Variants in PKNOX2 observed in about 807,000 individuals in gnomAD.
PKNOX2 encodes PBX/knotted 1 homeobox 2.
In PKNOX2, 14 loss-of-function variants were observed where a neutral mutation model predicts 53.1. That is an observed-to-expected ratio of 0.26 (90% CI 0.17 to 0.41). The LOEUF (loss-of-function observed/expected upper bound fraction) is 0.41, where lower values mean the gene tolerates loss of function less well. Among genes scored for constraint, PKNOX2 ranks in the 10% least tolerant of loss-of-function variants. The probability of loss-of-function intolerance (pLI) is 1.00; values close to 1 mark genes in which losing one functional copy is unlikely to be tolerated. For missense variants in PKNOX2, 496 were observed against 602.8 expected (o/e 0.82, Z 1.85); for synonymous variants, 257 against 242.8 (o/e 1.06, Z -0.54).
intron 1 of PKNOX2, among the ~76,000 whole-genome samples, chr11:125,226,798 C>T (rs1389916216): frequency 6.7e-6 from 1 of 148,710 alleles, no homozygotes; most frequent in African/African-American, 2.5e-5. Flanking sequence ...AATCCTAAAT[C>T]GTTGCTCATT....
intron 3 of PKNOX2, among the ~76,000 whole-genome samples, chr11:125,339,915 A>T (rs929858214): frequency 4.6e-5 from 7 of 152,332 alleles, no homozygotes; most frequent in Admixed American, 1.3e-4. Flanking sequence ...TTGAACACAC[A>T]GTCCAATGAG....
intron 2 of PKNOX2, among the ~76,000 whole-genome samples, chr11:125,273,244 A>G (rs1459945506): frequency 6.6e-6 from 1 of 152,232 alleles, no homozygotes; most frequent in African/African-American, 2.4e-5. Context: ...CCAGAGGAGC[A>G]GCTGAAAATA....
intron 2 of PKNOX2, among the ~76,000 whole-genome samples, chr11:125,304,934 C>T (rs1198649519): frequency 6.6e-6 from 1 of 152,184 alleles, no homozygotes; most frequent in African/African-American, 2.4e-5. Context: ...CAGGAGTTAG[C>T]CTCGTGAAGT....
At chr11:125,309,081 G>T (rs758006083) in intron 2 of PKNOX2, among the ~76,000 whole-genome samples, 6 of 151,138 alleles carry the variant, frequency 4.0e-5, no homozygotes, top group Admixed American at 3.9e-4. Context: ...CTGGACACCA[G>T]TCTGCAGTCA....
At chr11:125,354,157 TA>T (rs1410260107) in intron 4 of PKNOX2, among the ~76,000 whole-genome samples, 1 of 152,168 alleles carries the variant, frequency 6.6e-6, no homozygotes, top group Non-Finnish European at 1.5e-5. Flanking sequence ...CTTTTCGAGA[TA>T]TGGACCCCAG....
intron 3 of PKNOX2, among the ~76,000 whole-genome samples, chr11:125,336,441 CA>C (rs1950434462): frequency 6.6e-6 from 1 of 151,204 alleles, no homozygotes; most frequent in Non-Finnish European, 1.5e-5. Context: ...AAGTTTTTAT[CA>C]AATTACATTT....
At chr11:125,178,865 G>T (rs1353763795) in intron 1 of PKNOX2, among the ~76,000 whole-genome samples, 1 of 152,010 alleles carries the variant, frequency 6.6e-6, no homozygotes, top group Non-Finnish European at 1.5e-5. Context: ...CCAGGAAAAC[G>T]TACCTCCTGA....
chr11:125,309,182 TTCTTCCTTCCTTCCTCTC>T (rs1370359090), intron 2 of PKNOX2, among the ~76,000 whole-genome samples: 4 of 149,944 alleles, frequency 2.7e-5, no homozygotes, highest in Admixed American at 1.3e-4. Context: ...CTCTCTCTCT[TTCTTCCTTCCTTCCTCTC>T]TCTTCCTTCC....
chr11:125,279,506 T>C (rs1385455282), intron 2 of PKNOX2, among the ~76,000 whole-genome samples: 1 of 152,222 alleles, frequency 6.6e-6, no homozygotes, highest in Non-Finnish European at 1.5e-5. Flanking sequence ...GGCTGTGAAC[T>C]CCCAGTCTGA....
At chr11:125,349,624 T>G (rs897712504) in intron 3 of PKNOX2, among the ~76,000 whole-genome samples, 17 of 152,206 alleles carry the variant, frequency 1.1e-4, no homozygotes, top group African/African-American at 4.1e-4. Flanking sequence ...TTTAGGACCA[T>G]GACCTCCCTC....
chr11:125,265,705 T>A (rs961039726), intron 2 of PKNOX2, among the ~76,000 whole-genome samples: 3 of 152,122 alleles, frequency 2.0e-5, no homozygotes, highest in East Asian at 1.9e-4. Context: ...CCCACCCCAA[T>A]GGTCCCCAGA....
At chr11:125,371,305 G>A (rs531118317) in intron 5 of PKNOX2, among the ~76,000 whole-genome samples, 4 of 152,186 alleles carry the variant, frequency 2.6e-5, no homozygotes, top group East Asian at 1.9e-4. Flanking sequence ...AGGGGAGGCC[G>A]GTGGAGTGAG....
chr11:125,424,463 TC>T lies in PKNOX2; in HGVS notation c.937-4547del, dbSNP rs555737508. Among the ~76,000 whole-genome samples the T allele has an allele frequency of 2.5e-3, 379 of 152,266 alleles. 4 individuals are homozygous for T. The highest frequency in any genetic ancestry group is 7.1e-3 in the South Asian group (34 of 4,820). On this transcript the variant is annotated intron_variant, in intron 10 of 12. Transcript: ENST00000298282. ...GGGGCCCCCACCATCCTGGCTGCCT[TC>T]CTCTGGGTCTCTGGCCCTCCTAGAG...
chr11:125,294,926 C>T (rs117958778), intron 2 of PKNOX2, among the ~76,000 whole-genome samples: 107 of 152,254 alleles, frequency 7.0e-4, no homozygotes, highest in Middle Eastern at 3.4e-3. Flanking sequence ...GGAGTAAACA[C>T]CAGGCGGAGG....
At chr11:125,206,380 G>C (rs1939112267) in intron 1 of PKNOX2, among the ~76,000 whole-genome samples, 1 of 152,078 alleles carries the variant, frequency 6.6e-6, no homozygotes, top group Non-Finnish European at 1.5e-5. Flanking sequence ...AGATTACTCT[G>C]CACAAATGCG....
At chr11:125,179,035 A>T (rs1021895791) in intron 1 of PKNOX2, among the ~76,000 whole-genome samples, 1 of 152,110 alleles carries the variant, frequency 6.6e-6, no homozygotes, top group African/African-American at 2.4e-5. Context: ...CGTGTGTTTC[A>T]TGGCTCTGGC....
rs142977035 is a variant in PKNOX2, at chr11:125,193,066, G to A, written c.-201+28290G>A. On this transcript the variant is annotated intron_variant, in intron 1 of 12. Transcript: ENST00000298282. Reference sequence around the variant, plus strand: ...GCAGCATTGTGGGCTCTGCCATTGAGTTTGAGGGACGACCTGTCTCGCTAG... The same window carrying A: ...GCAGCATTGTGGGCTCTGCCATTGAATTTGAGGGACGACCTGTCTCGCTAG... Among the ~76,000 whole-genome samples the A allele has an allele frequency of 1.4e-3, 212 of 152,354 alleles. 2 individuals are homozygous for A. Among genetic ancestry groups the A allele is most frequent in the African/African-American group, 4.9e-3 (203 of 41,584 alleles).
chr11:125,217,848 A>G (rs1315145842), intron 1 of PKNOX2, among the ~76,000 whole-genome samples: 3 of 152,178 alleles, frequency 2.0e-5, no homozygotes, highest in Non-Finnish European at 4.4e-5. Context: ...CCTCCATCAC[A>G]AATAAGGAAA....
chr11:125,171,141 G>C (rs1955289866), intron 1 of PKNOX2, among the ~76,000 whole-genome samples: 1 of 152,204 alleles, frequency 6.6e-6, no homozygotes, highest in Non-Finnish European at 1.5e-5. Flanking sequence ...TAGTAGAGAG[G>C]GAACAAATAG....
Sources: allele counts gnomAD v4.1 joint callset (sites outside exome capture counted in the v4.1 genomes callset), GRCh38; gene constraint gnomAD v4.1.1; transcripts MANE v1.5; gene names NCBI Gene and HGNC (gene_info 2026-07-23, HGNC 2026-07-21).